ALDH1A1: variants seen among roughly 807,000 people sequenced by gnomAD.
ALDH1A1 encodes aldehyde dehydrogenase 1A1.
Under a neutral mutation model 62.1 loss-of-function variants are expected in ALDH1A1, and 19 were observed. The observed-to-expected ratio is 0.31, with a 90% CI of 0.21 to 0.45. The LOEUF (loss-of-function observed/expected upper bound fraction) is 0.45. Ranked by LOEUF, ALDH1A1 falls within the 20% of genes least tolerant of loss-of-function variation. ALDH1A1 has a pLI of 1.00. For missense variants in ALDH1A1, 521 were observed against 607.1 expected (o/e 0.86, Z 1.49); for synonymous variants, 231 against 215.9 (o/e 1.07, Z -0.61).
chr9:72,947,766 C>T (rs1292435336), intron 1 of ALDH1A1, among the ~76,000 whole-genome samples: 2 of 151,816 alleles, frequency 1.3e-5, no homozygotes, highest in Admixed American at 1.3e-4. Flanking sequence ...AGCTATGTGA[C>T]CTTAAGTCAG....
Position 72,917,076 on chromosome 9 carries a change from A to G in ALDH1A1, c.879T>C (p.His293=), listed in dbSNP as rs150455539. Residue 293 remains histidine, a synonymous_variant, in exon 9 of 13, where the codon CAT becomes CAC. Transcript: ENST00000297785. ...DLDNAVEFAH[H]GVFYHQGQCC... is the part of the protein sequence containing the mutation. The stretch of plus-strand genomic sequence containing the variant: ...ACTGGCCCTGGTGGTAGAATACCCC[A>G]TGGTGTGCAAATTCAACAGCATTGT... The G allele has an allele frequency of 1.2e-6, 2 of 1,607,356 alleles. No individual in the cohort carries two copies. The highest frequency in any genetic ancestry group is 1.3e-5 in the African/African-American group (1 of 74,612).
chr9:72,929,151 C>T, intron 3 of ALDH1A1, 130 bp from the exon 4 acceptor site: 2 of 1,032,874 alleles, frequency 1.9e-6, no homozygotes, highest in Non-Finnish European at 2.7e-6. Context: ...CTTGTCTAAC[C>T]TCCACTTTTT....
rs768282807 is a variant in ALDH1A1, at chr9:72,918,681, G to A, written c.850+39C>T. ...TTTGGCATTATCAGACACCAAAAAC[G>A]ATGAAGGACGAAAAGTTAACAAAGT... is the stretch of plus-strand genomic sequence containing the variant. On this transcript the variant is annotated intron_variant, in intron 8 of 12. Coordinates refer to ENST00000297785, the MANE Select transcript of ALDH1A1 (RefSeq NM_000689.5). 13 of 840,326 alleles carry A rather than the reference G, an allele frequency of 1.5e-5. No individual in the cohort carries two copies. The Admixed American group carries it at 2.8e-4, about 18-fold the overall frequency. 52.1% of individuals were successfully genotyped at this position (840,326 alleles called of 1,614,324 possible).
chr9:72,918,831 G>A lies in ALDH1A1; in HGVS notation c.748-9C>T. On this transcript the variant is annotated splice_polypyrimidine_tract_variant and intron_variant, in intron 7 of 12. Coordinates refer to ENST00000297785, the MANE Select transcript of ALDH1A1 (RefSeq NM_000689.5). ...TTGATCAACTTGCCAACCTGAAAGGGAGCATTACAAAGGAGGAGGCTTACC... is the reference window on the plus strand; with the variant it reads ...TTGATCAACTTGCCAACCTGAAAGGAAGCATTACAAAGGAGGAGGCTTACC... 1 of 1,609,166 alleles carries A rather than the reference G, an allele frequency of 6.2e-7. No individual in the cohort carries two copies. The highest frequency in any genetic ancestry group is 8.5e-7 in the Non-Finnish European group (1 of 1,175,616).
At chr9:72,916,850 A>G in intron 9 of ALDH1A1, 70 bp downstream of exon 9, 1 of 1,310,210 alleles carries the variant, frequency 7.6e-7, no homozygotes. Context: ...TTACTCAATA[A>G]AATCTAGGTC....
intron 1 of ALDH1A1, among the ~76,000 whole-genome samples, chr9:72,944,550 T>G (rs890231220): frequency 6.6e-5 from 10 of 152,098 alleles, no homozygotes; most frequent in Admixed American, 3.9e-4. Context: ...ACCAAACGTT[T>G]TTGTATAATC....
chr9:72,947,918 T>C (rs1400490808), intron 1 of ALDH1A1, among the ~76,000 whole-genome samples: 1 of 151,920 alleles, frequency 6.6e-6, no homozygotes, highest in East Asian at 1.9e-4. Flanking sequence ...GCAATATAAA[T>C]ATAACTTACA....
chr9:72,912,149 A>G, intron 9 of ALDH1A1, 27 bp from the exon 10 acceptor site: 1 of 1,592,402 alleles, frequency 6.3e-7, no homozygotes, highest in Non-Finnish European at 8.6e-7. Flanking sequence ...ACATGAAAAG[A>G]AAAAAAGTAG....
intron 11 of ALDH1A1, 61 bp from the exon 12 acceptor site, chr9:72,906,093 T>C: frequency 7.3e-7 from 1 of 1,371,482 alleles, no homozygotes; most frequent in Non-Finnish European, 1.0e-6. Flanking sequence ...AAATCCTTTT[T>C]GGCAGTTTTA....
chr9:72,902,125 G>A (rs909341219), intron 12 of ALDH1A1, among the ~76,000 whole-genome samples: 8 of 151,852 alleles, frequency 5.3e-5, no homozygotes, highest in East Asian at 1.9e-4. Flanking sequence ...AAATGATCAG[G>A]AATTAACTCA....
intron 12 of ALDH1A1, among the ~76,000 whole-genome samples, chr9:72,903,242 C>T (rs142114996): frequency 1.1e-4 from 17 of 152,124 alleles, no homozygotes; most frequent in East Asian, 1.9e-4. Flanking sequence ...AAAGGACCTA[C>T]GTTAACCTAA....
intron 2 of ALDH1A1, among the ~76,000 whole-genome samples, chr9:72,933,964 T>C (rs985023384): frequency 1.4e-4 from 21 of 152,000 alleles, no homozygotes. Context: ...GCCCATCTAA[T>C]TGTTTATTTT....
intron 2 of ALDH1A1, among the ~76,000 whole-genome samples, chr9:72,937,907 C>T (rs1401537776): frequency 6.6e-6 from 1 of 152,166 alleles, no homozygotes; most frequent in Non-Finnish European, 1.5e-5. Context: ...TTTGTTTCTA[C>T]TTCTCAAATT....
chr9:72,946,398 T>C (rs1212692981), intron 1 of ALDH1A1, among the ~76,000 whole-genome samples: 1 of 151,924 alleles, frequency 6.6e-6, no homozygotes, highest in East Asian at 1.9e-4. Flanking sequence ...AATTCCCCAG[T>C]GAACAAATTT....
In ALDH1A1 at chr9:72,901,181, G is replaced by A. The variant is rs1829799049; in HGVS notation, c.*27C>T. 3.3e-6 allele frequency: 5 copies of A among 1,532,064 alleles called. No homozygotes were observed. The highest frequency in any genetic ancestry group is 4.5e-6 in the Non-Finnish European group (5 of 1,107,950). 94.9% of individuals were successfully genotyped at this position (1,532,064 alleles called of 1,614,324 possible). ...TGTAAGGAGATGCTTAGCTATTGAA[G>A]AGCTTCTCTCCACTCTTGTATTTTC... On this transcript the variant is annotated 3_prime_UTR_variant, in exon 13 of 13. Coordinates refer to ENST00000297785, the MANE Select transcript of ALDH1A1 (RefSeq NM_000689.5).
chr9:72,925,362 TC>T, intron 6 of ALDH1A1, 121 bp downstream of exon 6: 2 of 859,754 alleles, frequency 2.3e-6, no homozygotes, highest in Non-Finnish European at 3.2e-6. Context: ...CTAAATGTAT[TC>T]CCCCCACTGG....
chr9:72,901,404 G>T, intron 12 of ALDH1A1, 124 bp from the exon 13 acceptor site: 1 of 607,950 alleles, frequency 1.6e-6, no homozygotes, highest in Non-Finnish European at 2.8e-6. Context: ...AATATTTCTT[G>T]TGTACAGAGC....
intron 5 of ALDH1A1, among the ~76,000 whole-genome samples, chr9:72,925,961 C>T (rs1254485782): frequency 6.6e-6 from 1 of 152,166 alleles, no homozygotes; most frequent in Non-Finnish European, 1.5e-5. Flanking sequence ...TACTCTCCTT[C>T]TCCATAAGTC....
chr9:72,945,626 A>C (rs1830465782), intron 1 of ALDH1A1, among the ~76,000 whole-genome samples: 1 of 151,888 alleles, frequency 6.6e-6, no homozygotes, highest in African/African-American at 2.4e-5. Flanking sequence ...CAAAGTACTA[A>C]AGGCCGCTGG....
Sources: gnomAD v4.1 joint callset for allele counts (sites outside exome capture counted in the v4.1 genomes callset) on GRCh38, gnomAD v4.1.1 for gene constraint, MANE v1.5 for transcripts, NCBI Gene and HGNC (gene_info 2026-07-23, HGNC 2026-07-21) for gene names.